Variants in PDZD2 observed in about 807,000 individuals in gnomAD.
PDZD2 encodes the protein PDZ domain-containing protein 2.
A neutral mutation model predicts 220.7 loss-of-function variants in PDZD2; 90 were observed. The ratio of observed to expected loss-of-function variants is 0.41; its 90% CI spans 0.34 to 0.49. The LOEUF (loss-of-function observed/expected upper bound fraction) is 0.49. PDZD2 is among the 20% of genes least tolerant of loss of function. The pLI, the probability that PDZD2 is intolerant of heterozygous loss-of-function variation, is 0.28. For missense variants in PDZD2, 3,174 were observed against 3,608.5 expected (o/e 0.88, Z 3.08); for synonymous variants, 1,375 against 1,450.5 (o/e 0.95, Z 1.18).
At chr5:31,940,975 T>C (rs916499601) in intron 2 of PDZD2, among the ~76,000 whole-genome samples, 3 of 151,794 alleles carry the variant, frequency 2.0e-5, no homozygotes, top group Admixed American at 2.0e-4. Context: ...AAAAAAGTGG[T>C]TCTGCAGTGA....
chr5:32,043,370 C>T (rs966554610), intron 7 of PDZD2, among the ~76,000 whole-genome samples: 1 of 152,242 alleles, frequency 6.6e-6, no homozygotes, highest in Non-Finnish European at 1.5e-5. Context: ...TCCAGCAGAA[C>T]AGGGTCGGTT....
At chr5:31,697,503 T>C (rs1485378744) in intron 1 of PDZD2, among the ~76,000 whole-genome samples, 2 of 152,156 alleles carry the variant, frequency 1.3e-5, no homozygotes, top group African/African-American at 2.4e-5. Context: ...GGAAAGAACA[T>C]AAAGAAGATT....
chr5:31,861,228 C>G (rs941991428), intron 2 of PDZD2, among the ~76,000 whole-genome samples: 1 of 152,176 alleles, frequency 6.6e-6, no homozygotes, highest in Non-Finnish European at 1.5e-5. Context: ...AAGCACAGCT[C>G]AGAGCCCCAC....
intron 2 of PDZD2, chr5:31,854,917 G>GC (rs887478602): frequency 2.1e-5 from 20 of 948,198 alleles, no homozygotes; most frequent in Admixed American, 1.3e-4. Flanking sequence ...GAGGGAGGAG[G>GC]GGGGGGTCCT....
intron 1 of PDZD2, among the ~76,000 whole-genome samples, chr5:31,765,466 A>C (rs1751942897): frequency 6.6e-6 from 1 of 152,204 alleles, no homozygotes; most frequent in Non-Finnish European, 1.5e-5. Flanking sequence ...CTTCTAATGA[A>C]GATAAAAATC....
At chr5:31,981,307 C>T (rs578038099) in intron 2 of PDZD2, among the ~76,000 whole-genome samples, 1 of 152,166 alleles carries the variant, frequency 6.6e-6, no homozygotes, top group South Asian at 2.1e-4. Context: ...CAGAATTATT[C>T]TCTCCTTTAA....
chr5:31,641,967 G>A lies in PDZD2; in HGVS notation c.-361+2530G>A, dbSNP rs193170096. 3.5e-4 allele frequency among the ~76,000 whole-genome samples: 54 copies of A among 152,202 alleles called. No individual in the cohort carries two copies. In the East Asian group the frequency reaches 8.1e-3, roughly 23 times the overall value. On this transcript the variant is annotated intron_variant, in intron 1 of 24. Coordinates refer to ENST00000438447, the MANE Select transcript of PDZD2 (RefSeq NM_178140.4). ...GAACACCCCAGACCCCACTACCCCC[G>A]GCTGATCATACTGTAGGGTGTTGTG... is the stretch of plus-strand genomic sequence containing the variant.
chr5:31,725,938 C>T (rs1749101767), intron 1 of PDZD2: 4 of 660,306 alleles, frequency 6.1e-6, no homozygotes, highest in Non-Finnish European at 1.1e-5. Flanking sequence ...TGGGTCTCCA[C>T]TCTCTGCCGC....
chr5:31,911,478 C>T (rs1402937501), intron 2 of PDZD2, among the ~76,000 whole-genome samples: 1 of 152,256 alleles, frequency 6.6e-6, no homozygotes, highest in African/African-American at 2.4e-5. Context: ...AAGCCCCTGA[C>T]TTGGAGCACG....
In PDZD2 at chr5:32,089,646, C is replaced by T. The variant is rs1381675030; in HGVS notation, c.6198C>T (p.Ala2066=). The change falls in exon 20 of 25, where the codon GCC becomes GCT. Residue 2066 remains alanine, a synonymous_variant. Coordinates refer to ENST00000438447, the MANE Select transcript of PDZD2 (RefSeq NM_178140.4). ...CCAGCCATGTGGCAGCAGACACAGC[C>T]CAACCCAGGCCGACTGGCGAAAAAG... ...RLASHVAADT[A]QPRPTGEKGG... is the part of the protein sequence containing the mutation. 6.2e-7 allele frequency: 1 copy of T among 1,613,832 alleles called. No individual in the cohort carries two copies. Among genetic ancestry groups the T allele is most frequent in the East Asian group, 2.2e-5 (1 of 44,896 alleles).
At position 31,689,353 on chromosome 5, in the gene PDZD2, A is replaced by ATTTTTTTTTTTTTTTTT. The variant is rs1160111594; in HGVS notation, c.-361+49920_-361+49936dup. 8.5e-5 allele frequency among the ~76,000 whole-genome samples: 3 copies of ATTTTTTTTTTTTTTTTT among 35,122 alleles called. 1 individual carries two copies. The highest frequency in any genetic ancestry group is 1.3e-4 in the Non-Finnish European group (3 of 23,912). 23.0% of individuals were successfully genotyped at this position (35,122 alleles called of 152,430 possible). A position where few individuals can be genotyped will look rare whatever the true frequency, so the allele number is the denominator to read the frequency against. On this transcript the variant is annotated intron_variant, in intron 1 of 24. Transcript: ENST00000438447. ...TACATATACATATATATATATATAT[A>ATTTTTTTTTTTTTTTTT]TTTTTTTTTTTTTTTTTTTTAAGTC...
intron 6 of PDZD2, among the ~76,000 whole-genome samples, chr5:32,022,849 T>C (rs888812434): frequency 6.6e-6 from 1 of 152,146 alleles, no homozygotes; most frequent in Non-Finnish European, 1.5e-5. Context: ...CTGATGGCTT[T>C]TCAGTTGAGT....
At chr5:31,714,381 A>G (rs576756432) in intron 1 of PDZD2, among the ~76,000 whole-genome samples, 1 of 152,310 alleles carries the variant, frequency 6.6e-6, no homozygotes, top group African/African-American at 2.4e-5. Context: ...TGTTGTTTGA[A>G]TGATCATGTA....
At chr5:31,979,577 C>T (rs1256062324) in intron 2 of PDZD2, among the ~76,000 whole-genome samples, 3 of 22,918 alleles carry the variant, frequency 1.3e-4, no homozygotes, top group African/African-American at 3.0e-4. Context: ...GAGACTCTGT[C>T]TCAAAAAAAA....
At chr5:31,920,401 CCA>C (rs1491544703) in intron 2 of PDZD2, among the ~76,000 whole-genome samples, 5 of 139,202 alleles carry the variant, frequency 3.6e-5, no homozygotes, top group African/African-American at 1.4e-4. Flanking sequence ...CCCCCCCCCC[CCA>C]CTGGGGTGGT....
At chr5:32,084,742 T>C (rs1214564698) in intron 19 of PDZD2, among the ~76,000 whole-genome samples, 1 of 152,146 alleles carries the variant, frequency 6.6e-6, no homozygotes, top group Non-Finnish European at 1.5e-5. Flanking sequence ...CCAGATTTTT[T>C]TTCCCTGTTG....
intron 6 of PDZD2, among the ~76,000 whole-genome samples, chr5:32,034,272 G>C (rs7727737): frequency 6.6e-6 from 1 of 152,086 alleles, no homozygotes; most frequent in South Asian, 2.1e-4. Context: ...CACCAAAGGC[G>C]GTAATGTCTT....
intron 1 of PDZD2, among the ~76,000 whole-genome samples, chr5:31,694,824 T>C (rs984135071): frequency 6.8e-6 from 1 of 147,944 alleles, no homozygotes; most frequent in East Asian, 2.1e-4. Flanking sequence ...GCAAGTTTAT[T>C]AAGAAAGTAA....
intron 1 of PDZD2, among the ~76,000 whole-genome samples, chr5:31,649,530 C>T (rs1333437514): frequency 1.3e-5 from 2 of 152,058 alleles, no homozygotes; most frequent in Admixed American, 6.5e-5. Context: ...TCTGTCTTAG[C>T]TGTTGGATCA....
Sources: allele counts gnomAD v4.1 joint callset (sites outside exome capture counted in the v4.1 genomes callset), GRCh38; gene constraint gnomAD v4.1.1; transcripts MANE v1.5; gene names NCBI Gene and HGNC (gene_info 2026-07-23, HGNC 2026-07-21).